Variants in ZNF737 observed in about 807,000 individuals in gnomAD.
ZNF737 encodes zinc finger protein 737.
ZNF737 carries 13 observed loss-of-function variants against 11.7 expected under a neutral mutation model. The ratio of observed to expected loss-of-function variants is 1.11; its 90% CI spans 0.73 to 1.77. The LOEUF is 1.77. Ranked by LOEUF, ZNF737 falls within the 40% of genes most tolerant of loss-of-function variation. The pLI, the probability that ZNF737 is intolerant of heterozygous loss-of-function variation, is 0.00. For missense variants in ZNF737, 636 were observed against 638.0 expected (o/e 1.00, Z 0.03); for synonymous variants, 217 against 216.2 (o/e 1.00, Z -0.03).
rs1281513397 is a variant in ZNF737 at position 20,565,763 on chromosome 19, G to C, written c.-123C>G. 6.7e-6 allele frequency: 10 copies of C among 1,502,384 alleles called. No homozygotes were observed. Among genetic ancestry groups the C allele is most frequent in the South Asian group, 5.6e-5 (5 of 88,564 alleles). 93.1% of individuals were successfully genotyped at this position (1,502,384 alleles called of 1,614,324 possible). On this transcript the variant is annotated 5_prime_UTR_variant, in exon 1 of 4. Coordinates refer to ENST00000427401, the MANE Select transcript of ZNF737 (RefSeq NM_001159293.2). Reference sequence around the variant, plus strand: ...CACACAGCAGTGAAGACAAGACCTGGAGCTCCGGCTGCAGAGACAAAGGCC... The same window carrying C: ...CACACAGCAGTGAAGACAAGACCTGCAGCTCCGGCTGCAGAGACAAAGGCC...
In ZNF737 at chr19:20,545,290, T is replaced by C. The variant is rs1555756573; in HGVS notation, c.913A>G (p.Ile305Val). 1 of 1,613,308 alleles carries C rather than the reference T, an allele frequency of 6.2e-7. No homozygotes were observed. The highest frequency in any genetic ancestry group is 8.5e-7 in the Non-Finnish European group (1 of 1,179,678). ...KRSSILTAHK[I>V]IHSGEKPYKC... The stretch of plus-strand genomic sequence containing the variant: ...TAGGGTTTCTCTCCGCTATGAATTA[T>C]CTTATGCGCAGTAAGGATAGAGGAG... The change falls in exon 4 of 4, where the codon ATA becomes GTA. Residue 305 changes from isoleucine to valine, a missense_variant. Transcript: ENST00000427401.
In ZNF737 at chr19:20,543,808, T is replaced by C; in HGVS notation, c.*784A>G. 1.0e-6 allele frequency: 1 copy of C among 985,448 alleles called. No individual in the cohort carries two copies. The allele number at this position is 985,448 out of a possible 1,614,324, so 61.0% of individuals were successfully genotyped here. On this transcript the variant is annotated 3_prime_UTR_variant, in exon 4 of 4. Transcript: ENST00000427401. ...AGCTTTGCGGATTTCCTCTTCAACA[T>C]GAATTATTGCCATGCCTCTTAAGAA...
chr19:20,530,332 C>A, the ZNF737 span, among the ~76,000 whole-genome samples: 22 of 142,004 alleles, frequency 1.5e-4, no homozygotes, highest in African/African-American at 5.0e-4. Flanking sequence ...ACCTCCCTCC[C>A]GGACGGGGCA....
At position 20,539,724 on chromosome 19, in the gene ZNF737, C is replaced by T. The variant is rs1568422094; in HGVS notation, c.*4868G>A. 6 of 981,692 alleles carry T rather than the reference C, an allele frequency of 6.1e-6. No individual in the cohort carries two copies. Among genetic ancestry groups the T allele is most frequent in the Non-Finnish European group, 7.3e-6 (6 of 826,728 alleles). 60.8% of individuals were successfully genotyped at this position (981,692 alleles called of 1,614,324 possible). On this transcript the variant is annotated 3_prime_UTR_variant, in exon 4 of 4. Coordinates refer to ENST00000427401, the MANE Select transcript of ZNF737 (RefSeq NM_001159293.2). ...AAGGTTTTTCAAATATGAAAACAGA[C>T]AATTAGGTATACTTTTTGAAGTAAG... is the stretch of plus-strand genomic sequence containing the variant.
At chr19:20,537,511 A>ATTTTTTTTTTTTT (rs1163609628), downstream of ZNF737, among the ~76,000 whole-genome samples, 5 of 77,090 alleles carry the variant, frequency 6.5e-5, no homozygotes, top group Non-Finnish European at 7.1e-5. Flanking sequence ...CTGGTTTTCT[A>ATTTTTTTTTTTTT]TTTTTTTTTT....
At chr19:20,546,937 C>T (rs1968474058) in intron 3 of ZNF737, among the ~76,000 whole-genome samples, 1 of 152,112 alleles carries the variant, frequency 6.6e-6, no homozygotes, top group African/African-American at 2.4e-5. Context: ...TGTTTTCTAA[C>T]AAAAACTGAA....
Position 20,545,353 on chromosome 19 carries a change from G to C in ZNF737, c.850C>G (p.Pro284Ala), listed in dbSNP as rs1555756612. Residue 284 changes from proline to alanine, a missense_variant, in exon 4 of 4, where the codon CCC becomes GCC. Coordinates refer to ENST00000427401, the MANE Select transcript of ZNF737 (RefSeq NM_001159293.2). Reference sequence around the variant, plus strand: ...TTGCCACATTCTTCACATTTGTAGGGTTTCTCTCCAGTATGAATTATCTTA... The same window carrying C: ...TTGCCACATTCTTCACATTTGTAGGCTTTCTCTCCAGTATGAATTATCTTA... Reference protein sequence around the residue: ...THKIIHTGEKPYKCEECGKAF... With the variant: ...THKIIHTGEKAYKCEECGKAF... 1 of 1,613,834 alleles carries C rather than the reference G, an allele frequency of 6.2e-7. No homozygotes were observed. The highest frequency in any genetic ancestry group is 1.3e-5 in the African/African-American group (1 of 74,982).
intron 1 of ZNF737, among the ~76,000 whole-genome samples, chr19:20,557,499 A>AAAG (rs1555761488): frequency 6.6e-6 from 1 of 151,998 alleles, no homozygotes; most frequent in Non-Finnish European, 1.5e-5. Context: ...AAAAAAAAAA[A>AAAG]AAGAAAACTT....
At chr19:20,536,887 G>A (rs1004757000), downstream of ZNF737, among the ~76,000 whole-genome samples, 4 of 152,236 alleles carry the variant, frequency 2.6e-5, no homozygotes, top group African/African-American at 9.6e-5. Flanking sequence ...AGGTTGCAGT[G>A]AGCCAGGATC....
intron 3 of ZNF737, among the ~76,000 whole-genome samples, chr19:20,551,421 C>T (rs1555758326): frequency 9.5e-6 from 1 of 105,430 alleles, no homozygotes; most frequent in Non-Finnish European, 1.8e-5. Flanking sequence ...ATGAGTGAAA[C>T]CCCATCTCAA....
intron 2 of ZNF737, among the ~76,000 whole-genome samples, chr19:20,553,141 A>G (rs1599423579): frequency 6.6e-6 from 1 of 152,300 alleles, no homozygotes; most frequent in East Asian, 1.9e-4. Flanking sequence ...GGAAGCTACA[A>G]TAGTTTATGT....
At position 20,546,292 on chromosome 19, in the gene ZNF737, C is replaced by T. The variant is rs560206697; in HGVS notation, c.227-316G>A. Among the ~76,000 whole-genome samples the T allele has an allele frequency of 9.4e-4, 143 of 152,266 alleles. 1 individual carries two copies. Among genetic ancestry groups the T allele is most frequent in the Non-Finnish European group, 1.7e-3 (117 of 68,024 alleles). ...TCCTGCTCTCCAGTATAATATTGTG[C>T]CTTTAAAAGTAAATTTCCAGTCGGA... On this transcript the variant is annotated intron_variant, in intron 3 of 3. Transcript: ENST00000427401.
chr19:20,537,588 C>T (rs908829680), downstream of ZNF737, among the ~76,000 whole-genome samples: 9 of 142,110 alleles, frequency 6.3e-5, no homozygotes, highest in South Asian at 4.6e-4. Flanking sequence ...ATGATCTCGG[C>T]TCACTGCAGT....
At chr19:20,534,810 G>A (rs1225068844), downstream of ZNF737, among the ~76,000 whole-genome samples, 1 of 149,632 alleles carries the variant, frequency 6.7e-6, no homozygotes, top group Non-Finnish European at 1.5e-5. Flanking sequence ...ATTCATGTTG[G>A]GTGAGAGACT....
At chr19:20,534,453 A>AATATC (rs1555753433), downstream of ZNF737, among the ~76,000 whole-genome samples, 1 of 144,626 alleles carries the variant, frequency 6.9e-6, no homozygotes, top group Non-Finnish European at 1.5e-5. Flanking sequence ...AAAAGAAAAA[A>AATATC]TATCTATCTA....
At chr19:20,558,872 A>G (rs1340972100) in intron 1 of ZNF737, among the ~76,000 whole-genome samples, 9 of 152,254 alleles carry the variant, frequency 5.9e-5, no homozygotes, top group African/African-American at 1.4e-4. Context: ...TAGAGAGCCC[A>G]GAAATAATGC....
At position 20,539,461 on chromosome 19, in the gene ZNF737, T is replaced by G. The variant is rs868989689; in HGVS notation, c.*5131A>C. 7.1e-6 allele frequency: 7 copies of G among 985,476 alleles called. No individual in the cohort carries two copies. The highest frequency in any genetic ancestry group is 7.2e-6 in the Non-Finnish European group (6 of 829,948). The allele number at this position is 985,476 out of a possible 1,614,324, so 61.0% of individuals were successfully genotyped here. A position where few individuals can be genotyped will look rare whatever the true frequency, so the allele number is the denominator to read the frequency against. ...TTCTTGTTAGTCATCTGGCCATTTC[T>G]GTAAGTACGGCAATTATGCGAAGCC... On this transcript the variant is annotated 3_prime_UTR_variant, in exon 4 of 4. Coordinates refer to ENST00000427401, the MANE Select transcript of ZNF737 (RefSeq NM_001159293.2).
In ZNF737 at chr19:20,543,430, G is replaced by T; in HGVS notation, c.*1162C>A. On this transcript the variant is annotated 3_prime_UTR_variant, in exon 4 of 4. Transcript: ENST00000427401. The stretch of plus-strand genomic sequence containing the variant: ...TTCACTTTAAAGGCTTATACTTGCT[G>T]AAAGTTTTGACAGTAATTGCCATTT... 1.0e-6 allele frequency: 1 copy of T among 986,068 alleles called. No individual in the cohort carries two copies. Among genetic ancestry groups the T allele is most frequent in the Non-Finnish European group, 1.2e-6 (1 of 829,600 alleles). 61.1% of individuals were successfully genotyped at this position (986,068 alleles called of 1,614,324 possible).
chr19:20,539,269 GA>G lies in ZNF737; in HGVS notation c.*5322del, dbSNP rs551715842. The G allele has an allele frequency of 5.0e-5, 48 of 958,148 alleles. No individual in the cohort carries two copies. In the South Asian group the frequency reaches 2.1e-3, roughly 42 times the overall value. The allele number at this position is 958,148 out of a possible 1,614,324, so 59.4% of individuals were successfully genotyped here. A position where few individuals can be genotyped will look rare whatever the true frequency, so the allele number is the denominator to read the frequency against. Reference sequence around the variant, plus strand: ...CGTACCATTGCAGTGCAGCGTGAGTGACAGAGTGAGAATCCTTCTAAAAAAA... The same window carrying G: ...CGTACCATTGCAGTGCAGCGTGAGTGCAGAGTGAGAATCCTTCTAAAAAAA... On this transcript the variant is annotated 3_prime_UTR_variant, in exon 4 of 4. Coordinates refer to ENST00000427401, the MANE Select transcript of ZNF737 (RefSeq NM_001159293.2).
Sources: allele counts gnomAD v4.1 joint callset (sites outside exome capture counted in the v4.1 genomes callset), GRCh38; gene constraint gnomAD v4.1.1; transcripts MANE v1.5; gene names NCBI Gene and HGNC (gene_info 2026-07-23, HGNC 2026-07-21).